Variants in CDH18 observed in about 807,000 individuals in gnomAD.
CDH18 encodes the protein cadherin-18.
In CDH18, 31 loss-of-function variants were observed where a neutral mutation model predicts 67.9. That is an observed-to-expected ratio of 0.46 (90% CI 0.34 to 0.62). The LOEUF (loss-of-function observed/expected upper bound fraction) is 0.62. Ranked by LOEUF, CDH18 falls within the 20% of genes least tolerant of loss-of-function variation. The pLI, the probability that CDH18 is intolerant of heterozygous loss-of-function variation, is 0.01. For synonymous variants in CDH18, 362 were observed against 347.2 expected, an observed-to-expected ratio of 1.04 and a Z score of -0.48; for missense variants, 890 against 975.5, an observed-to-expected ratio of 0.91 and a Z score of 1.17.
chr5:19,584,808 A>G (rs1357985949), intron 7 of CDH18, among the ~76,000 whole-genome samples: 6 of 147,660 alleles, frequency 4.1e-5, no homozygotes, highest in Admixed American at 2.7e-4. Context: ...AAAAAAAAAA[A>G]AAAAGAAAAA....
intron 8 of CDH18, among the ~76,000 whole-genome samples, chr5:19,569,963 A>C (rs1741097725): frequency 6.6e-6 from 1 of 152,170 alleles, no homozygotes; most frequent in Admixed American, 6.5e-5. Flanking sequence ...TACAGAAATT[A>C]TCATTAGTAT....
At chr5:20,052,191 A>T (rs994220405) in intron 2 of CDH18, among the ~76,000 whole-genome samples, 2 of 152,138 alleles carry the variant, frequency 1.3e-5, no homozygotes, top group Admixed American at 1.3e-4. Flanking sequence ...TTCTACAGGA[A>T]TTGAAAGTAG....
At chr5:19,550,834 G>T (rs534717512) in intron 8 of CDH18, among the ~76,000 whole-genome samples, 1 of 152,068 alleles carries the variant, frequency 6.6e-6, no homozygotes, top group Non-Finnish European at 1.5e-5. Context: ...CTGAGGAATC[G>T]CCACACTGAC....
chr5:19,601,676 A>T (rs1393704963), intron 6 of CDH18, among the ~76,000 whole-genome samples: 1 of 151,918 alleles, frequency 6.6e-6, no homozygotes, highest in African/African-American at 2.4e-5. Context: ...AATATTCCTT[A>T]TGAATATTAA....
chr5:20,050,133 T>G (rs1337579499), intron 2 of CDH18, among the ~76,000 whole-genome samples: 2 of 151,872 alleles, frequency 1.3e-5, no homozygotes. Flanking sequence ...CCCTCCTGAC[T>G]GCCACAGGAT....
At chr5:19,733,937 A>G (rs1477440907) in intron 4 of CDH18, among the ~76,000 whole-genome samples, 1 of 152,118 alleles carries the variant, frequency 6.6e-6, no homozygotes, top group Non-Finnish European at 1.5e-5. Flanking sequence ...CAGACCCCAC[A>G]CTTGCTTGCT....
At chr5:19,517,903 T>C (rs1463727327) in intron 10 of CDH18, among the ~76,000 whole-genome samples, 8 of 152,024 alleles carry the variant, frequency 5.3e-5, no homozygotes, top group African/African-American at 1.9e-4. Context: ...AGTTCCCTTA[T>C]TTTTCTTGCA....
chr5:20,378,097 T>C (rs1002867069), intron 1 of CDH18, among the ~76,000 whole-genome samples: 1 of 152,234 alleles, frequency 6.6e-6, no homozygotes, highest in Admixed American at 6.5e-5. Context: ...TGCCTATCTG[T>C]CTGCTTCATT....
chr5:19,999,773 C>G (rs1321959679), intron 2 of CDH18, among the ~76,000 whole-genome samples: 2 of 152,124 alleles, frequency 1.3e-5, no homozygotes, highest in African/African-American at 4.8e-5. Context: ...ATGACCACAG[C>G]AGAGCATTAA....
At chr5:20,227,102 A>G (rs556426154) in intron 2 of CDH18, among the ~76,000 whole-genome samples, 1 of 152,098 alleles carries the variant, frequency 6.6e-6, no homozygotes, top group South Asian at 2.1e-4. Context: ...ACCCAACCCT[A>G]CCATTGCCAG....
At chr5:20,072,423 A>C (rs570756999) in intron 2 of CDH18, among the ~76,000 whole-genome samples, 2 of 152,010 alleles carry the variant, frequency 1.3e-5, no homozygotes, top group Admixed American at 1.3e-4. Context: ...AATGAGATTG[A>C]AGATTAAAAA....
chr5:19,498,900 C>T (rs1265887357), intron 11 of CDH18, among the ~76,000 whole-genome samples: 1 of 152,152 alleles, frequency 6.6e-6, no homozygotes, highest in Non-Finnish European at 1.5e-5. Context: ...TCTTTAGGAA[C>T]TAGTCCTAAT....
chr5:20,459,266 T>C (rs1421927711), intron 1 of CDH18, among the ~76,000 whole-genome samples: 6 of 152,194 alleles, frequency 3.9e-5, no homozygotes, highest in Non-Finnish European at 8.8e-5. Flanking sequence ...CCACAGGTTT[T>C]TCAGTAGAGA....
At chr5:19,801,501 C>T (rs1376335933) in intron 3 of CDH18, among the ~76,000 whole-genome samples, 1 of 152,102 alleles carries the variant, frequency 6.6e-6, no homozygotes, top group Non-Finnish European at 1.5e-5. Flanking sequence ...TATCCAAGTC[C>T]TATTTTCAGA....
chr5:19,763,614 A>T (rs2149712381), intron 3 of CDH18, among the ~76,000 whole-genome samples: 1 of 152,318 alleles, frequency 6.6e-6, no homozygotes. Context: ...TGAAGTTCAC[A>T]AGAGGCATTT....
intron 2 of CDH18, among the ~76,000 whole-genome samples, chr5:19,974,910 T>C (rs1316049211): frequency 6.6e-6 from 1 of 152,184 alleles, no homozygotes; most frequent in African/African-American, 2.4e-5. Flanking sequence ...CTGACCCGGC[T>C]ACTTTTAAGT....
chr5:20,453,802 C>T (rs1561018119), intron 1 of CDH18, among the ~76,000 whole-genome samples: 2 of 152,016 alleles, frequency 1.3e-5, no homozygotes, highest in East Asian at 1.9e-4. Context: ...CAAACCTAAA[C>T]TTACTCAATT....
chr5:20,528,846 G>T (rs1292393144), intron 1 of CDH18, among the ~76,000 whole-genome samples: 1 of 151,716 alleles, frequency 6.6e-6, no homozygotes, highest in Non-Finnish European at 1.5e-5. Context: ...AGAGAACCAA[G>T]AACAAACAAA....
At chr5:19,865,566 C>T (rs1785393653) in intron 2 of CDH18, among the ~76,000 whole-genome samples, 1 of 152,040 alleles carries the variant, frequency 6.6e-6, no homozygotes, top group Non-Finnish European at 1.5e-5. Flanking sequence ...CAGAGACAAC[C>T]ATCCCTGCTT....
Sources: allele counts gnomAD v4.1 joint callset (sites outside exome capture counted in the v4.1 genomes callset), GRCh38; gene constraint gnomAD v4.1.1; transcripts MANE v1.5; gene names NCBI Gene and HGNC (gene_info 2026-07-23, HGNC 2026-07-21).